The following DAPK2 variants were observed in gnomAD, a reference collection of about 807,000 sequenced individuals.
DAPK2 encodes the protein death associated protein kinase 2.
A neutral mutation model predicts 44.1 loss-of-function variants in DAPK2; 35 were observed. That is an observed-to-expected ratio of 0.79 (90% CI 0.61 to 1.05). The LOEUF (loss-of-function observed/expected upper bound fraction) is 1.05. Ranked by LOEUF, DAPK2 falls within the 50% of genes least tolerant of loss-of-function variation. The probability of loss-of-function intolerance (pLI) is 0.00; values close to 1 mark genes in which losing one functional copy is unlikely to be tolerated. For synonymous variants in DAPK2, 174 were observed against 182.6 expected (o/e 0.95, Z 0.38); for missense variants, 453 against 483.2 (o/e 0.94, Z 0.59).
chr15:63,924,273 C>T (rs1303318693), intron 8 of DAPK2, among the ~76,000 whole-genome samples: 1 of 152,184 alleles, frequency 6.6e-6, no homozygotes, highest in Non-Finnish European at 1.5e-5. Flanking sequence ...CCCTGACTCT[C>T]CCCAGAGGGA....
At chr15:64,005,964 T>A (rs1004660810) in intron 1 of DAPK2, among the ~76,000 whole-genome samples, 3 of 151,406 alleles carry the variant, frequency 2.0e-5, no homozygotes, top group Non-Finnish European at 4.4e-5. Context: ...AGCCCAGAAG[T>A]TTAAGGCTGC....
chr15:63,994,410 A>AAAGGAAGGAAGGAAGG (rs56254515), intron 1 of DAPK2, among the ~76,000 whole-genome samples: 17 of 141,732 alleles, frequency 1.2e-4, no homozygotes, highest in African/African-American at 3.9e-4. Context: ...TGTTAAAAGA[A>AAAGGAAGGAAGGAAGG]AAGGAAGGAA....
chr15:63,991,451 T>C, intron 1 of DAPK2: 1 of 400,922 alleles, frequency 2.5e-6, no homozygotes, highest in Admixed American at 2.9e-5. Context: ...TCCCTGACCT[T>C]GTTGCTACTG....
At chr15:64,000,188 C>CT (rs60701050) in intron 1 of DAPK2, among the ~76,000 whole-genome samples, 6,225 of 46,538 alleles carry the variant, frequency 0.13, 435 homozygotes, top group African/African-American at 0.25. Context: ...ACTACTACTA[C>CT]ACACACACAC....
intron 3 of DAPK2, among the ~76,000 whole-genome samples, chr15:63,945,647 T>G (rs1378754326): frequency 2.6e-5 from 4 of 152,080 alleles, no homozygotes. Flanking sequence ...GCCTGCAGAT[T>G]GGAAAACTGC....
At chr15:64,044,880 A>C (rs1283896222), upstream of DAPK2, among the ~76,000 whole-genome samples, 7 of 151,824 alleles carry the variant, frequency 4.6e-5, no homozygotes, top group African/African-American at 1.7e-4. Flanking sequence ...CATTACACAC[A>C]CCCCCATTAG....
intron 4 of DAPK2, among the ~76,000 whole-genome samples, chr15:63,930,682 C>A (rs1337024553): frequency 1.3e-5 from 2 of 152,086 alleles, no homozygotes; most frequent in Admixed American, 1.3e-4. Flanking sequence ...ATCCCCAATG[C>A]AATAGTATTA....
intron 1 of DAPK2, among the ~76,000 whole-genome samples, chr15:64,023,415 T>C (rs2079747848): frequency 1.3e-5 from 2 of 152,092 alleles, no homozygotes; most frequent in African/African-American, 4.8e-5. Flanking sequence ...TTGGGTGTGG[T>C]ACACACACAC....
At chr15:63,983,101 G>A (rs925577271) in intron 2 of DAPK2, among the ~76,000 whole-genome samples, 28 of 152,176 alleles carry the variant, frequency 1.8e-4, no homozygotes, top group Admixed American at 1.4e-3. Context: ...GAAGGGCTTC[G>A]CAGAGCCCAG....
chr15:64,005,987 T>C (rs1473782895), intron 1 of DAPK2, among the ~76,000 whole-genome samples: 2 of 148,594 alleles, frequency 1.3e-5, no homozygotes, highest in Admixed American at 1.4e-4. Flanking sequence ...CAGTGACCTA[T>C]GATCGGATTA....
At chr15:63,935,130 G>A (rs563163118) in intron 4 of DAPK2, among the ~76,000 whole-genome samples, 27 of 131,718 alleles carry the variant, frequency 2.0e-4, no homozygotes, top group Middle Eastern at 0.012. Flanking sequence ...TCACTCTGTC[G>A]TCTAGGCTAG....
At chr15:64,015,176 C>A (rs898729321) in intron 1 of DAPK2, among the ~76,000 whole-genome samples, 6 of 152,174 alleles carry the variant, frequency 3.9e-5, no homozygotes, top group Non-Finnish European at 8.8e-5. Context: ...GGCAGGAGAA[C>A]AAACAGCCTG....
intron 4 of DAPK2, among the ~76,000 whole-genome samples, chr15:63,936,979 C>CAAAAAAAAAAAAAAAAAAAAA (rs56052031): frequency 7.7e-6 from 1 of 129,818 alleles, no homozygotes; most frequent in Non-Finnish European, 1.6e-5. Flanking sequence ...GACCCTGTCT[C>CAAAAAAAAAAAAAAAAAAAAA]AAAAAAAAAA....
intron 4 of DAPK2, chr15:63,932,503 G>C (rs1275964511): frequency 7.0e-6 from 1 of 142,430 alleles, no homozygotes; most frequent in Non-Finnish European, 1.5e-5. Flanking sequence ...AAGCTACAAA[G>C]AAGTAGAGGT....
intron 3 of DAPK2, among the ~76,000 whole-genome samples, chr15:63,942,739 T>G (rs1201555796): frequency 6.6e-6 from 1 of 151,976 alleles, no homozygotes; most frequent in Non-Finnish European, 1.5e-5. Context: ...CAAACCTGGC[T>G]AGTTCCTATT....
chr15:63,995,551 T>C (rs1438038145), intron 1 of DAPK2, among the ~76,000 whole-genome samples: 1 of 152,240 alleles, frequency 6.6e-6, no homozygotes, highest in Non-Finnish European at 1.5e-5. Context: ...TTAGGGCTAC[T>C]CTGAAGGGAG....
chr15:63,974,131 G>A (rs1034634443), intron 2 of DAPK2, among the ~76,000 whole-genome samples: 2 of 151,974 alleles, frequency 1.3e-5, no homozygotes, highest in African/African-American at 4.8e-5. Context: ...ATGTGACAGA[G>A]CAAAAAAAAT....
chr15:64,008,029 CAG>C (rs1342535037), intron 1 of DAPK2, among the ~76,000 whole-genome samples: 1 of 152,100 alleles, frequency 6.6e-6, no homozygotes, highest in African/African-American at 2.4e-5. Flanking sequence ...TTGGGAGAAG[CAG>C]AGAGTGACTG....
chr15:63,938,652 C>T (rs1002189717), intron 4 of DAPK2, among the ~76,000 whole-genome samples: 5 of 152,286 alleles, frequency 3.3e-5, no homozygotes, highest in South Asian at 2.1e-4. Context: ...CAATCTCCGG[C>T]CCAAGCCCTA....
Sources: allele counts gnomAD v4.1 joint callset (sites outside exome capture counted in the v4.1 genomes callset), GRCh38; gene constraint gnomAD v4.1.1; transcripts MANE v1.5; gene names NCBI Gene and HGNC (gene_info 2026-07-23, HGNC 2026-07-21).